SETBP1: variants seen among roughly 807,000 people sequenced by gnomAD.
SETBP1 encodes SET binding protein 1.
A neutral mutation model predicts 101.0 loss-of-function variants in SETBP1; 9 were observed. The observed-to-expected ratio is 0.09, with a 90% CI of 0.05 to 0.16. The LOEUF (loss-of-function observed/expected upper bound fraction) is 0.16, where lower values mean the gene tolerates loss of function less well. Ranked by LOEUF, SETBP1 falls within the 10% of genes least tolerant of loss-of-function variation. The pLI is 1.00. For synonymous variants in SETBP1, 818 were observed against 788.5 expected, an observed-to-expected ratio of 1.04 and a Z score of -0.63; for missense variants, 1,858 against 2,033.8, an observed-to-expected ratio of 0.91 and a Z score of 1.66.
chr18:44,746,857 T>G (rs146209712), intron 2 of SETBP1, among the ~76,000 whole-genome samples: 1 of 152,170 alleles, frequency 6.6e-6, no homozygotes, highest in Non-Finnish European at 1.5e-5. Flanking sequence ...CGTGCACATG[T>G]GATTGGAGAC....
chr18:44,967,287 G>A (rs1166424155), intron 4 of SETBP1, among the ~76,000 whole-genome samples: 1 of 152,204 alleles, frequency 6.6e-6, no homozygotes, highest in Non-Finnish European at 1.5e-5. Flanking sequence ...GAATTCTCTG[G>A]AAAGGGCAGT....
chr18:45,027,280 G>T (rs17796087), intron 4 of SETBP1, among the ~76,000 whole-genome samples: 8,143 of 152,162 alleles, frequency 0.054, 309 homozygotes, highest in Non-Finnish European at 0.077. Context: ...CATGTATAGT[G>T]GTTTCTCTGA....
chr18:44,788,258 A>G (rs115910415), intron 2 of SETBP1, among the ~76,000 whole-genome samples: 2,603 of 151,986 alleles, frequency 0.017, 74 homozygotes, highest in African/African-American at 0.059. Context: ...TGCTTCCTGA[A>G]CTCCTCCAGC....
intron 2 of SETBP1, among the ~76,000 whole-genome samples, chr18:44,795,457 C>T (rs548004304): frequency 6.8e-4 from 103 of 152,282 alleles, no homozygotes; most frequent in African/African-American, 2.4e-3. Context: ...GGTTTTAGAT[C>T]AGGTTTACTG....
chr18:44,765,763 A>C (rs2144610046), intron 2 of SETBP1, among the ~76,000 whole-genome samples: 1 of 152,340 alleles, frequency 6.6e-6, no homozygotes, highest in Admixed American at 6.5e-5. Context: ...GGAGAGCAAC[A>C]CACATCCAGA....
intron 4 of SETBP1, among the ~76,000 whole-genome samples, chr18:45,034,796 T>C (rs749653178): frequency 1.3e-5 from 2 of 152,150 alleles, no homozygotes; most frequent in Non-Finnish European, 2.9e-5. Flanking sequence ...CAGTCTACTT[T>C]CTGAGTTTGA....
At chr18:44,684,541 T>G (rs1183400297) in intron 1 of SETBP1, among the ~76,000 whole-genome samples, 1 of 152,046 alleles carries the variant, frequency 6.6e-6, no homozygotes, top group Non-Finnish European at 1.5e-5. Context: ...CTGTTCTGAT[T>G]TAGAAGTTTC....
intron 5 of SETBP1, among the ~76,000 whole-genome samples, chr18:45,049,395 T>A (rs1354460004): frequency 2.0e-5 from 3 of 152,146 alleles, no homozygotes. Flanking sequence ...GATAGCAAAA[T>A]GACAGCCATG....
At chr18:44,852,187 C>T (rs1310735173) in intron 2 of SETBP1, among the ~76,000 whole-genome samples, 1 of 152,196 alleles carries the variant, frequency 6.6e-6, no homozygotes, top group Non-Finnish European at 1.5e-5. Context: ...CTATCAGCCC[C>T]GCCCAGCCCT....
chr18:44,722,969 C>T (rs1251031251), intron 2 of SETBP1, among the ~76,000 whole-genome samples: 1 of 152,172 alleles, frequency 6.6e-6, no homozygotes, highest in African/African-American at 2.4e-5. Context: ...TTATTTTTAA[C>T]AGCACCAATA....
At chr18:45,055,463 G>C (rs2073793194) in intron 5 of SETBP1, among the ~76,000 whole-genome samples, 1 of 151,880 alleles carries the variant, frequency 6.6e-6, no homozygotes, top group Non-Finnish European at 1.5e-5. Context: ...AAATATTTTT[G>C]TTGCTATCAA....
intron 3 of SETBP1, among the ~76,000 whole-genome samples, chr18:44,878,509 T>C (rs2069460350): frequency 6.6e-6 from 1 of 152,230 alleles, no homozygotes; most frequent in South Asian, 2.1e-4. Context: ...GTGTCTAAAA[T>C]GTTAGTATGA....
intron 2 of SETBP1, among the ~76,000 whole-genome samples, chr18:44,765,764 C>A (rs530378321): frequency 1.0e-3 from 153 of 152,302 alleles, no homozygotes; most frequent in Non-Finnish European, 1.8e-3. Flanking sequence ...GAGAGCAACA[C>A]ACATCCAGAG....
At chr18:44,908,082 A>C (rs544560128) in intron 3 of SETBP1, among the ~76,000 whole-genome samples, 1 of 149,546 alleles carries the variant, frequency 6.7e-6, no homozygotes, top group South Asian at 2.1e-4. Context: ...TTTTTTTGAG[A>C]CAGAGTCTTG....
intron 2 of SETBP1, among the ~76,000 whole-genome samples, chr18:44,817,225 G>A (rs1476295935): frequency 6.6e-6 from 1 of 152,190 alleles, no homozygotes; most frequent in African/African-American, 2.4e-5. Flanking sequence ...TTTGAAAGCT[G>A]CAGGCTTCAT....
chr18:44,752,422 C>A (rs1379246955), intron 2 of SETBP1, among the ~76,000 whole-genome samples: 1 of 152,114 alleles, frequency 6.6e-6, no homozygotes, highest in African/African-American at 2.4e-5. Flanking sequence ...AGGAACGCTT[C>A]AAGGAATGTG....
At chr18:44,962,045 T>A (rs922141394) in intron 4 of SETBP1, among the ~76,000 whole-genome samples, 1 of 152,164 alleles carries the variant, frequency 6.6e-6, no homozygotes, top group Non-Finnish European at 1.5e-5. Context: ...GCATATAGCA[T>A]AGTGCCAGGG....
At chr18:44,823,291 T>C (rs968600018) in intron 2 of SETBP1, among the ~76,000 whole-genome samples, 2 of 152,204 alleles carry the variant, frequency 1.3e-5, no homozygotes, top group African/African-American at 4.8e-5. Context: ...AAGAAATAGA[T>C]ATCCCTGGAT....
Position 44,952,589 on chromosome 18 carries a change from C to T in SETBP1, c.3249C>T (p.Ser1083=). 6.2e-7 allele frequency: 1 copy of T among 1,613,786 alleles called. No homozygotes were observed. The highest frequency in any genetic ancestry group is 8.5e-7 in the Non-Finnish European group (1 of 1,179,728). The part of the protein sequence containing the change: ...LYLSHTLGAA[S]PFMRPTVPPP... ...TATCGCACACGCTTGGAGCAGCTTC[C>T]CCATTCATGAGGCCAACAGTGCCAC... Residue 1083 remains serine (S), a synonymous_variant, in exon 4 of 6, where the codon TCC becomes TCT. Coordinates refer to ENST00000649279, the MANE Select transcript of SETBP1 (RefSeq NM_015559.3).
Sources: allele counts gnomAD v4.1 joint callset (sites outside exome capture counted in the v4.1 genomes callset), GRCh38; gene constraint gnomAD v4.1.1; transcripts MANE v1.5; gene names NCBI Gene and HGNC (gene_info 2026-07-23, HGNC 2026-07-21).